SGSM1: variants seen among roughly 807,000 people sequenced by gnomAD.
The protein encoded by SGSM1 is RUN and TBC1 domain containing 2.
SGSM1 carries 73 observed loss-of-function variants against 133.8 expected under a neutral mutation model. That is an observed-to-expected ratio of 0.55 (90% CI 0.45 to 0.66). SGSM1 has a LOEUF of 0.66. SGSM1 is among the 30% of genes least tolerant of loss of function. SGSM1 has a pLI of 0.00. For synonymous variants in SGSM1, 563 were observed against 573.0 expected, an observed-to-expected ratio of 0.98 and a Z score of 0.25; for missense variants, 1,213 against 1,448.1, an observed-to-expected ratio of 0.84 and a Z score of 2.64.
intron 2 of SGSM1, among the ~76,000 whole-genome samples, chr22:24,834,441 T>C (rs929016400): frequency 2.0e-5 from 3 of 152,256 alleles, no homozygotes; most frequent in African/African-American, 7.2e-5. Context: ...GTATTATCTA[T>C]GGCTGCTTTC....
chr22:24,905,890 A>G (rs1321416241), intron 21 of SGSM1, among the ~76,000 whole-genome samples: 1 of 152,148 alleles, frequency 6.6e-6, no homozygotes, highest in Non-Finnish European at 1.5e-5. Flanking sequence ...TAACTCATTC[A>G]ATAAAGCCAG....
Position 24,806,247 on chromosome 22 carries a change from A to C in SGSM1, c.-79A>C, listed in dbSNP as rs976292699. ...GGCCCCGCCCCGCCGCGGCTGCAGC[A>C]GCAGCGCCGCGGCCGGAGGAGCTAC... On this transcript the variant is annotated 5_prime_UTR_variant, in exon 1 of 25. Transcript: ENST00000400358. 1.9e-5 allele frequency: 25 copies of C among 1,328,256 alleles called. No individual in the cohort carries two copies. The African/African-American group carries it at 2.8e-4, about 15-fold the overall frequency. The allele number at this position is 1,328,256 out of a possible 1,614,324, so 82.3% of individuals were successfully genotyped here. A position where few individuals can be genotyped will look rare whatever the true frequency, so the allele number is the denominator to read the frequency against.
At chr22:24,851,744 G>A (rs975408772) in intron 5 of SGSM1, among the ~76,000 whole-genome samples, 2 of 152,218 alleles carry the variant, frequency 1.3e-5, no homozygotes, top group Non-Finnish European at 2.9e-5. Context: ...CAGGGAAAGT[G>A]TCCTGGATGG....
At chr22:24,824,197 G>C (rs1309280448) in intron 2 of SGSM1, among the ~76,000 whole-genome samples, 2 of 152,184 alleles carry the variant, frequency 1.3e-5, no homozygotes, top group African/African-American at 4.8e-5. Context: ...TTTTTCCAGA[G>C]CTGGAGACAG....
In SGSM1 at chr22:24,826,000, T is replaced by C. The variant is rs556256998; in HGVS notation, c.64-18897T>C. Among the ~76,000 whole-genome samples the C allele has an allele frequency of 2.0e-5, 3 of 150,078 alleles. No homozygotes were observed. In the South Asian group the frequency reaches 6.2e-4, roughly 31 times the overall value. On this transcript the variant is annotated intron_variant, in intron 2 of 24. Coordinates refer to ENST00000400358, the MANE Select transcript of SGSM1 (RefSeq NM_001098497.3). ...CCGGGTGATTTTTATTTAGACCTAC[T>C]GTGTGCCACAAGCACTGTGCTGGGT...
intron 2 of SGSM1, among the ~76,000 whole-genome samples, chr22:24,807,086 A>C (rs1159065679): frequency 1.3e-5 from 2 of 151,600 alleles, no homozygotes; most frequent in East Asian, 3.9e-4. Context: ...CCACATTCAG[A>C]GGGTGAGAAT....
At chr22:24,895,139 T>C (rs2123697443) in intron 17 of SGSM1, 84 bp from the exon 18 acceptor site, 2 of 1,379,034 alleles carry the variant, frequency 1.5e-6, no homozygotes, top group Non-Finnish European at 2.0e-6. Context: ...AACTAGACTT[T>C]CTGGCTCCCA....
rs2123763636 is a variant in SGSM1, at chr22:24,927,518, A to C, written c.*3244A>C. On this transcript the variant is annotated 3_prime_UTR_variant, in exon 25 of 25. Transcript: ENST00000400358. ...GCCAGGCACAGTGGCTTACCCCTGTAATCCCAGCACTTTGGGAGGCCAAAG... is the reference window on the plus strand; with the variant it reads ...GCCAGGCACAGTGGCTTACCCCTGTCATCCCAGCACTTTGGGAGGCCAAAG... The C allele has an allele frequency of 6.6e-6, 1 of 152,404 alleles. No homozygotes were observed. Among genetic ancestry groups the C allele is most frequent in the South Asian group, 2.1e-4 (1 of 4,824 alleles). 9.4% of individuals were successfully genotyped at this position (152,404 alleles called of 1,614,324 possible).
chr22:24,900,300 T>A (rs1246546099), intron 19 of SGSM1, among the ~76,000 whole-genome samples: 1 of 152,074 alleles, frequency 6.6e-6, no homozygotes, highest in Non-Finnish European at 1.5e-5. Context: ...ATGACAGGCA[T>A]GAACCAGTGC....
At position 24,809,690 on chromosome 22, in the gene SGSM1, T is replaced by A. The variant is rs144487296; in HGVS notation, c.63+3206T>A. 3.6e-3 allele frequency among the ~76,000 whole-genome samples: 552 copies of A among 152,288 alleles called. 2 individuals carry two copies. Among genetic ancestry groups the A allele is most frequent in the African/African-American group, 0.013 (527 of 41,542 alleles). On this transcript the variant is annotated intron_variant, in intron 2 of 24. Coordinates refer to ENST00000400358, the MANE Select transcript of SGSM1 (RefSeq NM_001098497.3). The stretch of plus-strand genomic sequence containing the variant: ...GACCCTGGGCTAGGTTCTGTGGATA[T>A]AGCAGGGACAGGCCCCTTGTAGATG...
chr22:24,871,128 C>T (rs566318037), intron 12 of SGSM1, among the ~76,000 whole-genome samples: 1 of 152,268 alleles, frequency 6.6e-6, no homozygotes, highest in South Asian at 2.1e-4. Context: ...ATGTTGAGCA[C>T]CCACTAGATG....
intron 16 of SGSM1, among the ~76,000 whole-genome samples, chr22:24,890,270 G>T (rs1932792914): frequency 6.6e-6 from 1 of 151,972 alleles, no homozygotes; most frequent in Non-Finnish European, 1.5e-5. Flanking sequence ...ACGGATTTTT[G>T]ACTTAAGATA....
At chr22:24,860,897 T>TAAA (rs554853690) in intron 9 of SGSM1, among the ~76,000 whole-genome samples, 29 of 43,872 alleles carry the variant, frequency 6.6e-4, no homozygotes, top group African/African-American at 1.8e-3. Context: ...GAGACTGTCT[T>TAAA]AAAAAAAAAA....
intron 9 of SGSM1, among the ~76,000 whole-genome samples, chr22:24,860,226 C>A (rs1931047204): frequency 6.6e-6 from 1 of 152,184 alleles, no homozygotes; most frequent in African/African-American, 2.4e-5. Context: ...TGGTCCAGGG[C>A]TGCATCTGCC....
At chr22:24,820,257 T>C (rs1270981207) in intron 2 of SGSM1, among the ~76,000 whole-genome samples, 1 of 151,812 alleles carries the variant, frequency 6.6e-6, no homozygotes, top group Non-Finnish European at 1.5e-5. Flanking sequence ...AGCCTTCTGG[T>C]CAAGGGGTGT....
chr22:24,884,909 G>A (rs1388610495), intron 15 of SGSM1, among the ~76,000 whole-genome samples: 3 of 152,086 alleles, frequency 2.0e-5, no homozygotes, highest in South Asian at 2.1e-4. Flanking sequence ...AGTGTATGAG[G>A]TAGCAGCGAG....
At chr22:24,841,694 G>A (rs922084844) in intron 2 of SGSM1, among the ~76,000 whole-genome samples, 1 of 152,224 alleles carries the variant, frequency 6.6e-6, no homozygotes, top group African/African-American at 2.4e-5. Flanking sequence ...GAAACGGTTG[G>A]AATCTGAGAA....
chr22:24,916,176 C>A (rs767783592), intron 22 of SGSM1, among the ~76,000 whole-genome samples: 81 of 152,172 alleles, frequency 5.3e-4, no homozygotes, highest in Middle Eastern at 3.4e-3. Flanking sequence ...ATTTTCATTA[C>A]CCCAGAAAGA....
chr22:24,807,013 C>G (rs1047945327), intron 2 of SGSM1, among the ~76,000 whole-genome samples: 1 of 152,088 alleles, frequency 6.6e-6, no homozygotes, highest in Non-Finnish European at 1.5e-5. Context: ...CTGAGAGTCA[C>G]GGGTCAGTGA....
Sources: gnomAD v4.1 joint callset for allele counts (sites outside exome capture counted in the v4.1 genomes callset) on GRCh38, gnomAD v4.1.1 for gene constraint, MANE v1.5 for transcripts, NCBI Gene and HGNC (gene_info 2026-07-23, HGNC 2026-07-21) for gene names.